SPECC1L: variants seen among roughly 807,000 people sequenced by gnomAD.
SPECC1L encodes the protein sperm antigen with calponin homology and coiled-coil domains 1 like.
SPECC1L carries 40 observed loss-of-function variants against 116.8 expected under a neutral mutation model. The observed-to-expected ratio is 0.34, with a 90% CI of 0.27 to 0.45. The LOEUF is 0.45. Among genes scored for constraint, SPECC1L ranks in the 20% least tolerant of loss-of-function variants. SPECC1L has a pLI of 1.00. For missense variants in SPECC1L, 1,110 were observed against 1,373.6 expected (o/e 0.81, Z 3.03); for synonymous variants, 504 against 500.6 (o/e 1.01, Z -0.09).
intron 6 of SPECC1L, 119 bp downstream of exon 6, chr22:24,324,546 T>A (rs1474069847): frequency 2.1e-6 from 2 of 950,834 alleles, no homozygotes; most frequent in African/African-American, 3.3e-5. Flanking sequence ...ATTCCAGCAC[T>A]TTGGGAGTTC....
chr22:24,416,554 C>G lies in SPECC1L; in HGVS notation c.*1931C>G, dbSNP rs991763395. The G allele has an allele frequency of 6.6e-6, 1 of 152,304 alleles. No individual in the cohort carries two copies. The highest frequency in any genetic ancestry group is 6.5e-5 in the Admixed American group (1 of 15,280). 9.4% of individuals were successfully genotyped at this position (152,304 alleles called of 1,614,324 possible). ...AGTTCCCACTTTTGCTCTCATTTGC[C>G]TTCACAGAGGCCACTCCACCTGTCC... On this transcript the variant is annotated 3_prime_UTR_variant, in exon 17 of 17. Transcript: ENST00000314328.
chr22:24,285,005 G>A (rs1329801332), intron 2 of SPECC1L, among the ~76,000 whole-genome samples: 2 of 152,190 alleles, frequency 1.3e-5, no homozygotes, highest in African/African-American at 4.8e-5. Context: ...GAAGATGGAG[G>A]AAGGTAAAAG....
chr22:24,323,114 T>C (rs1163111494), intron 5 of SPECC1L, 196 bp downstream of exon 5: 7 of 982,524 alleles, frequency 7.1e-6, no homozygotes, highest in Non-Finnish European at 8.5e-6. Flanking sequence ...TGTCACTTTC[T>C]CTCACTTGTA....
chr22:24,289,022 T>C (rs557732325), intron 2 of SPECC1L, among the ~76,000 whole-genome samples: 1 of 152,230 alleles, frequency 6.6e-6, no homozygotes, highest in African/African-American at 2.4e-5. Context: ...ACATCAGAGG[T>C]TGTTATAAAT....
At chr22:24,312,260 TG>T (rs2040477212) in intron 3 of SPECC1L, among the ~76,000 whole-genome samples, 1 of 152,230 alleles carries the variant, frequency 6.6e-6, no homozygotes. Context: ...TGAGCCACTG[TG>T]CCCAGCCTTT....
intron 4 of SPECC1L, among the ~76,000 whole-genome samples, chr22:24,318,401 A>G (rs938494988): frequency 1.3e-5 from 2 of 152,172 alleles, no homozygotes; most frequent in Admixed American, 6.5e-5. Flanking sequence ...CGCGCCTGCA[A>G]TCGCAGGCAC....
At chr22:24,304,179 G>A (rs1017540170) in intron 3 of SPECC1L, among the ~76,000 whole-genome samples, 15 of 151,862 alleles carry the variant, frequency 9.9e-5, no homozygotes, top group African/African-American at 3.6e-4. Flanking sequence ...TGATTAACCA[G>A]ATGAATGAAG....
chr22:24,352,688 A>C (rs947321135), intron 11 of SPECC1L, among the ~76,000 whole-genome samples: 4 of 152,212 alleles, frequency 2.6e-5, no homozygotes, highest in African/African-American at 9.6e-5. Flanking sequence ...GCCTTAGGCC[A>C]TGAAAGTCCC....
chr22:24,334,019 T>G (rs1446008806), intron 8 of SPECC1L, among the ~76,000 whole-genome samples: 1 of 151,160 alleles, frequency 6.6e-6, no homozygotes, highest in Non-Finnish European at 1.5e-5. Flanking sequence ...TTGTTGTTTT[T>G]TTTTTTTTTT....
chr22:24,357,511 G>A (rs188289695), intron 11 of SPECC1L, among the ~76,000 whole-genome samples: 10 of 152,284 alleles, frequency 6.6e-5, no homozygotes, highest in East Asian at 3.9e-4. Context: ...AGTGAGCTGG[G>A]TATGTTGGCT....
chr22:24,383,796 T>C (rs935905815), intron 14 of SPECC1L, among the ~76,000 whole-genome samples: 1 of 11,538 alleles, frequency 8.7e-5, no homozygotes, highest in South Asian at 3.7e-3. Flanking sequence ...ACCACTATTT[T>C]TTTTTTTTTT....
At chr22:24,397,490 G>A (rs1225909082) in intron 14 of SPECC1L, among the ~76,000 whole-genome samples, 1 of 152,098 alleles carries the variant, frequency 6.6e-6, no homozygotes, top group Non-Finnish European at 1.5e-5. Flanking sequence ...TGTCTCAGCC[G>A]GTGTCAGGTG....
chr22:24,372,148 C>T (rs1435584313), intron 14 of SPECC1L, among the ~76,000 whole-genome samples: 3 of 152,098 alleles, frequency 2.0e-5, no homozygotes, highest in African/African-American at 4.8e-5. Flanking sequence ...TAATAGCTTA[C>T]CAACCAAAAA....
At chr22:24,289,802 G>A (rs776282502) in intron 2 of SPECC1L, among the ~76,000 whole-genome samples, 1 of 149,764 alleles carries the variant, frequency 6.7e-6, no homozygotes, top group Non-Finnish European at 1.5e-5. Flanking sequence ...TTTCCTTTCT[G>A]TCCACGTGGG....
chr22:24,283,223 C>T (rs900458463), intron 2 of SPECC1L, among the ~76,000 whole-genome samples: 3 of 151,624 alleles, frequency 2.0e-5, no homozygotes, highest in Non-Finnish European at 4.4e-5. Flanking sequence ...GGACTACTGG[C>T]GCTGGCCACC....
intron 2 of SPECC1L, among the ~76,000 whole-genome samples, chr22:24,287,329 G>A (rs904155927): frequency 5.3e-5 from 8 of 152,320 alleles, no homozygotes; most frequent in South Asian, 2.1e-4. Flanking sequence ...TATTTTACAG[G>A]AGAGTGGCCT....
In SPECC1L at chr22:24,318,386, C is replaced by T. The variant is rs538472799; in HGVS notation, c.308-2902C>T. Among the ~76,000 whole-genome samples the T allele has an allele frequency of 4.0e-4, 61 of 151,968 alleles. 1 individual carries two copies. In the South Asian group the frequency reaches 0.011, roughly 28 times the overall value. On this transcript the variant is annotated intron_variant, in intron 4 of 16. Transcript: ENST00000314328. ...AAATACGAAAACCAGTCAGGCGTGG[C>T]GGCGCGCGCCTGCAATCGCAGGCAC... is the stretch of plus-strand genomic sequence containing the variant.
chr22:24,353,832 G>C (rs75681555), intron 11 of SPECC1L, among the ~76,000 whole-genome samples: 2 of 152,194 alleles, frequency 1.3e-5, no homozygotes, highest in African/African-American at 4.8e-5. Flanking sequence ...TTGTTCACTT[G>C]GTTAGGTGAT....
intron 2 of SPECC1L, among the ~76,000 whole-genome samples, chr22:24,282,420 T>C (rs1401015026): frequency 6.6e-6 from 1 of 152,242 alleles, no homozygotes; most frequent in African/African-American, 2.4e-5. Context: ...CACCCAGGAA[T>C]GAGCAAGGAC....
Sources: allele counts gnomAD v4.1 joint callset (sites outside exome capture counted in the v4.1 genomes callset), GRCh38; gene constraint gnomAD v4.1.1; transcripts MANE v1.5; gene names NCBI Gene and HGNC (gene_info 2026-07-23, HGNC 2026-07-21).